Variants in ALDH5A1 observed in about 807,000 individuals in gnomAD.
ALDH5A1 encodes aldehyde dehydrogenase 5 family member A1, also known as succinate-semialdehyde dehydrogenase, mitochondrial.
In ALDH5A1, 33 loss-of-function variants were observed where a neutral mutation model predicts 54.7. That is an observed-to-expected ratio of 0.60 (90% CI 0.46 to 0.81). The LOEUF is 0.81. ALDH5A1 is among the 30% of genes least tolerant of loss of function. The probability of loss-of-function intolerance (pLI) is 0.00; values close to 1 mark genes in which losing one functional copy is unlikely to be tolerated. For synonymous variants in ALDH5A1, 294 were observed against 292.7 expected (o/e 1.00, Z -0.05); for missense variants, 657 against 711.0 (o/e 0.92, Z 0.86).
Position 24,498,798 on chromosome 6 carries a change from T to C in ALDH5A1, c.354+3448T>C, listed in dbSNP as rs181242760. ...GTCCAACATGGTGAAACACTGTCTC[T>C]ACTAAAAATACAAAAATTGGCCAGA... On this transcript the variant is annotated intron_variant, in intron 1 of 9. Transcript: ENST00000357578. Among the ~76,000 whole-genome samples the C allele has an allele frequency of 1.4e-4, 21 of 152,266 alleles. No homozygotes were observed. The East Asian group carries it at 2.5e-3, about 18-fold the overall frequency.
chr6:24,495,638 C>T (rs146275153), intron 1 of ALDH5A1, among the ~76,000 whole-genome samples: 2 of 152,254 alleles, frequency 1.3e-5, no homozygotes, highest in Non-Finnish European at 2.9e-5. Context: ...AAGCGAGCTG[C>T]TTGTTATGGT....
intron 1 of ALDH5A1, 89 bp downstream of exon 1, chr6:24,495,439 G>A: frequency 3.1e-6 from 4 of 1,303,120 alleles, no homozygotes; most frequent in East Asian, 2.7e-5. Flanking sequence ...CACCAGCCGC[G>A]TCGCCTCCCT....
In ALDH5A1 at chr6:24,536,526, C is replaced by T. The variant is rs1193902394; in HGVS notation, c.*2814C>T. ...TCCTTAAAGAAAAAGTTTGCCAGCT[C>T]CTGATCTAGACCAAGAGGGAGATAT... On this transcript the variant is annotated 3_prime_UTR_variant, in exon 10 of 10. Transcript: ENST00000357578. 6.6e-6 allele frequency: 1 copy of T among 152,216 alleles called. No individual in the cohort carries two copies. Among genetic ancestry groups the T allele is most frequent in the Non-Finnish European group, 1.5e-5 (1 of 68,036 alleles). The allele number at this position is 152,216 out of a possible 1,614,324, so 9.4% of individuals were successfully genotyped here.
intron 4 of ALDH5A1, among the ~76,000 whole-genome samples, chr6:24,510,668 C>G (rs1426454182): frequency 6.6e-6 from 1 of 152,152 alleles, no homozygotes; most frequent in Non-Finnish European, 1.5e-5. Flanking sequence ...CCTTTTTCCA[C>G]CCCTTTACCT....
intron 1 of ALDH5A1, among the ~76,000 whole-genome samples, chr6:24,496,312 C>T (rs770438763): frequency 2.6e-5 from 4 of 152,154 alleles, no homozygotes; most frequent in Non-Finnish European, 4.4e-5. Flanking sequence ...CTCTAAACAA[C>T]AAACATAATA....
At chr6:24,524,152 C>T (rs1455636203) in intron 7 of ALDH5A1, among the ~76,000 whole-genome samples, 1 of 151,808 alleles carries the variant, frequency 6.6e-6, no homozygotes, top group East Asian at 1.9e-4. Context: ...CGCCTGGCTA[C>T]TTTTTGTATT....
chr6:24,504,753 G>C lies in ALDH5A1; in HGVS notation c.610-116G>C, dbSNP rs1166266581. The C allele has an allele frequency of 1.9e-6, 2 of 1,031,896 alleles. 1 individual carries two copies. Among genetic ancestry groups the C allele is most frequent in the African/African-American group, 3.1e-5 (2 of 63,680 alleles). 63.9% of individuals were successfully genotyped at this position (1,031,896 alleles called of 1,614,324 possible). A position where few individuals can be genotyped will look rare whatever the true frequency, so the allele number is the denominator to read the frequency against. ...TGAGAGCTCACCTGTGCAGCCAAAC[G>C]GGTTTGTCAATCAGTTGTGCAATGA... On this transcript the variant is annotated intron_variant, in intron 3 of 9. Coordinates refer to ENST00000357578, the MANE Select transcript of ALDH5A1 (RefSeq NM_001080.3).
At chr6:24,511,960 C>T in intron 4 of ALDH5A1, 1 of 484,914 alleles carries the variant, frequency 2.1e-6, no homozygotes, top group Non-Finnish European at 3.7e-6. Context: ...TTGGGGTAGG[C>T]TCTGTCAGAG....
At chr6:24,532,825 A>G (rs753443082) in intron 9 of ALDH5A1, among the ~76,000 whole-genome samples, 12 of 152,122 alleles carry the variant, frequency 7.9e-5, no homozygotes, top group Non-Finnish European at 1.2e-4. Context: ...TAAGCATGCT[A>G]TGAGGTCCCT....
At chr6:24,527,234 T>C (rs1286953702) in intron 7 of ALDH5A1, among the ~76,000 whole-genome samples, 3 of 151,722 alleles carry the variant, frequency 2.0e-5, no homozygotes, top group African/African-American at 7.3e-5. Flanking sequence ...AGAAACTTGG[T>C]GTATGAAAAT....
At chr6:24,530,573 C>G (rs1242860082) in intron 8 of ALDH5A1, among the ~76,000 whole-genome samples, 1 of 152,158 alleles carries the variant, frequency 6.6e-6, no homozygotes, top group Non-Finnish European at 1.5e-5. Flanking sequence ...GCTCCTCATA[C>G]ATTTGGAGGG....
At chr6:24,506,094 AG>A (rs1759343630) in intron 4 of ALDH5A1, among the ~76,000 whole-genome samples, 1 of 151,944 alleles carries the variant, frequency 6.6e-6, no homozygotes, top group Non-Finnish European at 1.5e-5. Context: ...GGGCAGGGCT[AG>A]GAGATATACA....
intron 8 of ALDH5A1, among the ~76,000 whole-genome samples, chr6:24,529,215 G>T (rs553568536): frequency 6.6e-6 from 1 of 151,858 alleles, no homozygotes; most frequent in African/African-American, 2.4e-5. Context: ...CATCCAGGCT[G>T]GAGTGCAGTG....
rs115363771 is a variant in ALDH5A1, at chr6:24,499,220, G to A, written c.355-3303G>A. Among the ~76,000 whole-genome samples, 383 of 152,162 alleles carry A rather than the reference G, an allele frequency of 2.5e-3. 1 individual carries two copies. Among genetic ancestry groups the A allele is most frequent in the African/African-American group, 8.7e-3 (361 of 41,546 alleles). ...TGAGAATTGCTTGAGCCCAGGAGGC[G>A]GAGGTTGGTTGCAGTGAGCCGAGAT... On this transcript the variant is annotated intron_variant, in intron 1 of 9. Coordinates refer to ENST00000357578, the MANE Select transcript of ALDH5A1 (RefSeq NM_001080.3).
chr6:24,495,105 C>A lies in ALDH5A1; in HGVS notation c.109C>A (p.Pro37Thr). Reference sequence around the variant, plus strand: ...CGGCGGCCTGGTCCCTGCCTCCGGGCCTGCGCCCGGCCCGGCCCAGCTCCG... The same window carrying A: ...CGGCGGCCTGGTCCCTGCCTCCGGGACTGCGCCCGGCCCGGCCCAGCTCCG... The part of the protein sequence containing the change: ...RAGGLVPASG[P>T]APGPAQLRCY... The change falls in exon 1 of 10, where the codon CCT (proline) becomes ACT (threonine). Residue 37 changes from proline to threonine, a missense_variant. By Grantham distance (38) the Pro-to-Thr change is conservative. Transcript: ENST00000357578. The A allele has an allele frequency of 7.6e-7, 1 of 1,316,782 alleles. No individual in the cohort carries two copies. 81.6% of individuals were successfully genotyped at this position (1,316,782 alleles called of 1,614,324 possible).
At chr6:24,522,653 A>T in intron 6 of ALDH5A1, 114 bp from the exon 7 acceptor site, 1 of 1,316,144 alleles carries the variant, frequency 7.6e-7, no homozygotes, top group South Asian at 1.2e-5. Flanking sequence ...GTTTGAGCAC[A>T]TGACAACCAC....
chr6:24,521,857 ATTTTT>A (rs71542679), intron 6 of ALDH5A1, among the ~76,000 whole-genome samples: 2 of 98,222 alleles, frequency 2.0e-5, no homozygotes, highest in African/African-American at 4.6e-5. Context: ...TGTCTCTACA[ATTTTT>A]TTTTTTTTTT....
chr6:24,495,822 A>G (rs987848278), intron 1 of ALDH5A1, among the ~76,000 whole-genome samples: 2 of 152,202 alleles, frequency 1.3e-5, no homozygotes, highest in African/African-American at 2.4e-5. Context: ...GGCCAGAATC[A>G]TGGGATCGGA....
rs140308481 is a variant in ALDH5A1, at chr6:24,528,278, T to G, written c.1343+112T>G. The G allele has an allele frequency of 2.0e-4, 249 of 1,262,158 alleles. No homozygotes were observed. The African/African-American group carries it at 3.1e-3, about 16-fold the overall frequency. The allele number at this position is 1,262,158 out of a possible 1,614,324, so 78.2% of individuals were successfully genotyped here. On this transcript the variant is annotated intron_variant, in intron 8 of 9. Transcript: ENST00000357578. ...GGTCTGGCCAGGAGGCAGACAGTTG[T>G]GTTGAGTCCATTGAAGAGCAGAGTG...
Sources: allele counts gnomAD v4.1 joint callset (sites outside exome capture counted in the v4.1 genomes callset), GRCh38; gene constraint gnomAD v4.1.1; transcripts MANE v1.5; gene names NCBI Gene and HGNC (gene_info 2026-07-23, HGNC 2026-07-21).